Variants in PUS7L observed in about 807,000 individuals in gnomAD.
PUS7L encodes pseudouridylate synthase PUS7L.
PUS7L carries 49 observed loss-of-function variants against 51.1 expected under a neutral mutation model. The observed-to-expected ratio is 0.96, with a 90% CI of 0.76 to 1.22. The LOEUF is 1.22. Among genes scored for constraint, PUS7L ranks in the 50% most tolerant of loss-of-function variants. The pLI is 0.00. For synonymous variants in PUS7L, 277 were observed against 276.2 expected, an observed-to-expected ratio of 1.00 and a Z score of -0.03; for missense variants, 828 against 820.6, an observed-to-expected ratio of 1.01 and a Z score of -0.11.
chr12:43,737,402 C>G (rs1937661460), intron 6 of PUS7L, among the ~76,000 whole-genome samples: 2 of 152,002 alleles, frequency 1.3e-5, no homozygotes. Context: ...AAAAATACTA[C>G]TTTCCTGCGA....
rs143302785 is a variant in PUS7L at position 43,727,932 on chromosome 12, G to A, written c.*2444C>T. On this transcript the variant is annotated 3_prime_UTR_variant, in exon 9 of 9. Transcript: ENST00000344862. The stretch of plus-strand genomic sequence containing the variant: ...GGTTTGAGATGTTTGGGTAGGTTAA[G>A]TGGGCATTTTGATGACACAGCTTCT... 1.2e-4 allele frequency: 18 copies of A among 152,230 alleles called. No individual in the cohort carries two copies. The highest frequency in any genetic ancestry group is 3.4e-4 in the African/African-American group (14 of 41,538). 9.4% of individuals were successfully genotyped at this position (152,230 alleles called of 1,614,324 possible).
rs199754356 is a variant in PUS7L, at chr12:43,726,826, TA to T, written c.*3549del. On this transcript the variant is annotated 3_prime_UTR_variant, in exon 9 of 9. Coordinates refer to ENST00000344862, the MANE Select transcript of PUS7L (RefSeq NM_031292.5). ...CTGGGTGACAGAAGGAAACTCCATC[TA>T]AAAAAAAAAAAAAATTGACAAGTGG... 11,550 of 137,264 alleles carry T rather than the reference TA, an allele frequency of 0.084. 399 individuals carry two copies. The highest frequency in any genetic ancestry group is 0.15 in the Middle Eastern group (40 of 264). 8.5% of individuals were successfully genotyped at this position (137,264 alleles called of 1,614,324 possible). A position where few individuals can be genotyped will look rare whatever the true frequency, so the allele number is the denominator to read the frequency against.
intron 3 of PUS7L, among the ~76,000 whole-genome samples, chr12:43,747,578 C>T (rs1448280518): frequency 6.6e-6 from 1 of 151,880 alleles, no homozygotes; most frequent in Non-Finnish European, 1.5e-5. Flanking sequence ...CCTGTAATCC[C>T]AGCTACTCGG....
At chr12:43,738,774 CA>C in intron 5 of PUS7L, 13 of 249,034 alleles carry the variant, frequency 5.2e-5, no homozygotes, top group East Asian at 1.5e-4. Flanking sequence ...TTTCCAAAAG[CA>C]AAAAAATTAG....
rs752394723 is a variant in PUS7L, at chr12:43,755,165, T to A, written c.81A>T (p.Ile27=). Residue 27 remains isoleucine, a synonymous_variant, in exon 2 of 9, where the codon ATA becomes ATT. Transcript: ENST00000344862. ...CAATAAAGTCACTTGGTGAGCTTTT[T>A]ATAGTGCCATGAAATCCAACGTGAT... The part of the protein sequence containing the change: ...FNDHVGFHGT[I]KSSPSDFIVI... 1.2e-6 allele frequency: 2 copies of A among 1,613,336 alleles called. No homozygotes were observed. Among genetic ancestry groups the A allele is most frequent in the East Asian group, 2.2e-5 (1 of 44,792 alleles).
intron 1 of PUS7L, chr12:43,758,321 C>T: frequency 8.1e-6 from 8 of 985,452 alleles, no homozygotes; most frequent in Non-Finnish European, 9.6e-6. Context: ...TGGCGTTAAG[C>T]CTGAAGGTGC....
chr12:43,754,577 A>G lies in PUS7L; in HGVS notation c.669T>C (p.Asp223=). The G allele has an allele frequency of 6.2e-7, 1 of 1,609,744 alleles. No individual in the cohort carries two copies. Among genetic ancestry groups the G allele is most frequent in the Admixed American group, 1.7e-5 (1 of 59,002 alleles). ...EEAFDFFKYL[D]AKKENSKFTF... ...TAAATTTGGAATTTTCTTTCTTTGC[A>G]TCCAAATATTTAAAAAAGTCAAATG... is the stretch of plus-strand genomic sequence containing the variant. The change falls in exon 2 of 9, where the codon GAT becomes GAC. Residue 223 remains aspartate, a synonymous_variant. Transcript: ENST00000344862.
chr12:43,738,876 C>A, intron 5 of PUS7L: 1 of 287,264 alleles, frequency 3.5e-6, no homozygotes, highest in Non-Finnish European at 7.1e-6. Flanking sequence ...AGCATATTTC[C>A]TAAGACAGTG....
At chr12:43,733,152 C>T (rs1279386800) in intron 7 of PUS7L, among the ~76,000 whole-genome samples, 1 of 149,354 alleles carries the variant, frequency 6.7e-6, no homozygotes, top group Admixed American at 6.6e-5. Context: ...TTGTCTAACT[C>T]ACATTTCTCC....
At chr12:43,751,456 T>G (rs1938440996) in intron 2 of PUS7L, among the ~76,000 whole-genome samples, 1 of 151,778 alleles carries the variant, frequency 6.6e-6, no homozygotes, top group South Asian at 2.1e-4. Context: ...TGTTTGGTTT[T>G]TTGTCCTTGC....
chr12:43,740,535 A>T (rs1937849062), intron 5 of PUS7L, among the ~76,000 whole-genome samples: 1 of 152,204 alleles, frequency 6.6e-6, no homozygotes, highest in African/African-American at 2.4e-5. Flanking sequence ...TGGGGAGTAG[A>T]ATGAGAATAT....
In PUS7L at chr12:43,730,151, GA is replaced by G. The variant is rs1279296790; in HGVS notation, c.*224del. ...ATAAAGGTCACTGAAACATATAATAGAAAAAAAACACAGGCTTTGGGGTCAC... is the reference window on the plus strand; with the variant it reads ...ATAAAGGTCACTGAAACATATAATAGAAAAAAACACAGGCTTTGGGGTCAC... On this transcript the variant is annotated 3_prime_UTR_variant, in exon 9 of 9. Transcript: ENST00000344862. 1 of 499,218 alleles carries G rather than the reference GA, an allele frequency of 2.0e-6. No homozygotes were observed. The highest frequency in any genetic ancestry group is 3.6e-6 in the Non-Finnish European group (1 of 280,542). The allele number at this position is 499,218 out of a possible 1,614,324, so 30.9% of individuals were successfully genotyped here.
Position 43,725,238 on chromosome 12 carries a change from C to T in PUS7L, c.*5138G>A, listed in dbSNP as rs1431819522. ...TTTTACATATTATTATGATACAAATCCCAAAATACTTTGGGAAAACTCCAA... is the reference window on the plus strand; with the variant it reads ...TTTTACATATTATTATGATACAAATTCCAAAATACTTTGGGAAAACTCCAA... On this transcript the variant is annotated 3_prime_UTR_variant, in exon 9 of 9. Transcript: ENST00000344862. The T allele has an allele frequency of 1.3e-5, 2 of 152,102 alleles. No individual in the cohort carries two copies. The highest frequency in any genetic ancestry group is 2.4e-5 in the African/African-American group (1 of 41,422). 9.4% of individuals were successfully genotyped at this position (152,102 alleles called of 1,614,324 possible).
chr12:43,750,444 T>C lies in PUS7L; in HGVS notation c.911-1835A>G, dbSNP rs570131074. Among the ~76,000 whole-genome samples, 10 of 152,330 alleles carry C rather than the reference T, an allele frequency of 6.6e-5. No individual in the cohort carries two copies. The South Asian group carries it at 1.7e-3, about 25-fold the overall frequency. On this transcript the variant is annotated intron_variant, in intron 2 of 8. Transcript: ENST00000344862. Reference sequence around the variant, plus strand: ...GAATCTTATTTAAGTTAGTAAGCAATATGGGAACATTTACAAAATCTTAAG... The same window carrying C: ...GAATCTTATTTAAGTTAGTAAGCAACATGGGAACATTTACAAAATCTTAAG...
chr12:43,754,386 C>A lies in PUS7L; in HGVS notation c.860G>T (p.Arg287Leu). 3 of 1,610,378 alleles carry A rather than the reference C, an allele frequency of 1.9e-6. No individual in the cohort carries two copies. Among genetic ancestry groups the A allele is most frequent in the Non-Finnish European group, 2.5e-6 (3 of 1,178,806 alleles). Residue 287 changes from arginine to leucine, a missense_variant, in exon 2 of 9, where the codon CGT (arginine) becomes CTT (leucine). Transcript: ENST00000344862. ...TVRFREKAHK[R>L]GKRPLSECQE... ...GCATTCAGAAAGAGGCCTTTTCCCA[C>A]GTTTGTGTGCTTTTTCCCGAAATCT...
intron 6 of PUS7L, chr12:43,737,987 C>A: frequency 4.3e-6 from 1 of 230,574 alleles, no homozygotes; most frequent in South Asian, 8.4e-5. Context: ...GTATCTCCCC[C>A]AGCTGCAATT....
intron 3 of PUS7L, among the ~76,000 whole-genome samples, chr12:43,746,807 T>C (rs564330446): frequency 6.6e-6 from 1 of 152,346 alleles, no homozygotes; most frequent in Non-Finnish European, 1.5e-5. Flanking sequence ...GACAGACTAT[T>C]GAGTTTACTG....
rs1181969810 is a variant in PUS7L, at chr12:43,721,344, A to C, written c.*9032T>G. 1 of 152,210 alleles carries C rather than the reference A, an allele frequency of 6.6e-6. No individual in the cohort carries two copies. The highest frequency in any genetic ancestry group is 6.5e-5 in the Admixed American group (1 of 15,284). 9.4% of individuals were successfully genotyped at this position (152,210 alleles called of 1,614,324 possible). ...ACAGCTTGTTCTAAATTTTAAATCA[A>C]ATTCTACAATGCATTTAATATTTCA... is the stretch of plus-strand genomic sequence containing the variant. On this transcript the variant is annotated 3_prime_UTR_variant, in exon 9 of 9. Transcript: ENST00000344862.
chr12:43,748,252 C>G (rs922950599), intron 3 of PUS7L, among the ~76,000 whole-genome samples, 198 bp downstream of exon 3: 4 of 151,834 alleles, frequency 2.6e-5, no homozygotes, highest in Non-Finnish European at 5.9e-5. Context: ...TTCTATTTCA[C>G]GAGGATTTTT....
Sources: gnomAD v4.1 joint callset for allele counts (sites outside exome capture counted in the v4.1 genomes callset) on GRCh38, gnomAD v4.1.1 for gene constraint, MANE v1.5 for transcripts, NCBI Gene and HGNC (gene_info 2026-07-23, HGNC 2026-07-21) for gene names.